Variants in DCLK1 observed in about 807,000 individuals in gnomAD.
The protein encoded by DCLK1 is doublecortin like kinase 1.
In DCLK1, 16 loss-of-function variants were observed where a neutral mutation model predicts 86.2. The ratio of observed to expected loss-of-function variants is 0.19; its 90% CI spans 0.13 to 0.28. The LOEUF is 0.28. Ranked by LOEUF, DCLK1 falls within the 10% of genes least tolerant of loss-of-function variation. The pLI is 1.00. For missense variants in DCLK1, 590 were observed against 940.2 expected (o/e 0.63, Z 4.87); for synonymous variants, 369 against 370.5 (o/e 1.00, Z 0.05).
At chr13:35,777,753 T>C (rs1451488795) in intron 16 of DCLK1, among the ~76,000 whole-genome samples, 1 of 152,188 alleles carries the variant, frequency 6.6e-6, no homozygotes, top group Admixed American at 6.5e-5. Flanking sequence ...CAAACCAGCA[T>C]TGAGGATTCC....
At chr13:35,904,336 C>T (rs894027623) in intron 4 of DCLK1, among the ~76,000 whole-genome samples, 1 of 152,122 alleles carries the variant, frequency 6.6e-6, no homozygotes, top group Non-Finnish European at 1.5e-5. Flanking sequence ...GTGCCTCAGC[C>T]GGGTGCCACC....
chr13:35,837,530 C>T (rs1316535544), intron 7 of DCLK1, among the ~76,000 whole-genome samples: 1 of 152,042 alleles, frequency 6.6e-6, no homozygotes, highest in Non-Finnish European at 1.5e-5. Flanking sequence ...CTGCAAAGCA[C>T]CCAAATTTAC....
At chr13:35,798,830 T>A (rs970419750) in intron 15 of DCLK1, among the ~76,000 whole-genome samples, 1 of 152,232 alleles carries the variant, frequency 6.6e-6, no homozygotes, top group African/African-American at 2.4e-5. Flanking sequence ...TACATTTTTG[T>A]GTGTGTGGGT....
chr13:36,067,813 G>A (rs1221155260), intron 3 of DCLK1, among the ~76,000 whole-genome samples: 1 of 152,056 alleles, frequency 6.6e-6, no homozygotes, highest in African/African-American at 2.4e-5. Context: ...TGACACAGCA[G>A]GCAGCATTTC....
chr13:35,973,207 C>T (rs751973233), intron 3 of DCLK1, among the ~76,000 whole-genome samples: 3 of 152,172 alleles, frequency 2.0e-5, no homozygotes, highest in Non-Finnish European at 2.9e-5. Context: ...CCAGTGGAAC[C>T]CCCATGAAAT....
Position 35,875,570 on chromosome 13 carries a change from A to G in DCLK1, c.824-4230T>C, listed in dbSNP as rs146189206. 2.8e-4 allele frequency among the ~76,000 whole-genome samples: 42 copies of G among 152,356 alleles called. 1 individual carries two copies. The highest frequency in any genetic ancestry group is 9.9e-4 in the African/African-American group (41 of 41,590). On this transcript the variant is annotated intron_variant, in intron 4 of 16. Coordinates refer to ENST00000360631, the MANE Select transcript of DCLK1 (RefSeq NM_001330071.2). The stretch of plus-strand genomic sequence containing the variant: ...CTGTGAGGCAGCTCTTCTTATCAGA[A>G]GAAATGTAGGTATTTCATTAAGTTT...
intron 3 of DCLK1, among the ~76,000 whole-genome samples, chr13:35,957,689 CT>C (rs1878071715): frequency 6.6e-6 from 1 of 152,128 alleles, no homozygotes; most frequent in Admixed American, 6.6e-5. Flanking sequence ...TGGAAGTATG[CT>C]TTTGCCAGGA....
At chr13:36,105,763 T>C (rs1330183020) in intron 3 of DCLK1, among the ~76,000 whole-genome samples, 2 of 152,226 alleles carry the variant, frequency 1.3e-5, no homozygotes, top group African/African-American at 4.8e-5. Context: ...AACCACAAGC[T>C]AGATTTTCCA....
chr13:36,000,058 G>T (rs578184812), intron 3 of DCLK1, among the ~76,000 whole-genome samples: 2 of 152,234 alleles, frequency 1.3e-5, no homozygotes, highest in South Asian at 4.1e-4. Context: ...GTCAAGTGAG[G>T]CCTTTCCCCC....
At chr13:35,923,156 G>C (rs1419857040) in intron 4 of DCLK1, among the ~76,000 whole-genome samples, 1 of 152,138 alleles carries the variant, frequency 6.6e-6, no homozygotes, top group Non-Finnish European at 1.5e-5. Context: ...ACTCCAGCGG[G>C]AAAGACCCCT....
chr13:35,949,944 C>T (rs1877575672), intron 3 of DCLK1, among the ~76,000 whole-genome samples: 2 of 150,420 alleles, frequency 1.3e-5, no homozygotes, highest in Admixed American at 6.8e-5. Flanking sequence ...AAGTAACTGT[C>T]ATCACCCAGC....
At chr13:36,102,800 A>C (rs1274688577) in intron 3 of DCLK1, among the ~76,000 whole-genome samples, 1 of 152,194 alleles carries the variant, frequency 6.6e-6, no homozygotes, top group Non-Finnish European at 1.5e-5. Flanking sequence ...AAGAATTGCT[A>C]CTTTACATGC....
At chr13:36,007,582 G>T (rs924589048) in intron 3 of DCLK1, among the ~76,000 whole-genome samples, 1 of 152,162 alleles carries the variant, frequency 6.6e-6, no homozygotes, top group African/African-American at 2.4e-5. Context: ...GAAGGCAGAT[G>T]AACTACACTA....
intron 4 of DCLK1, among the ~76,000 whole-genome samples, chr13:35,914,348 TAC>T (rs57538699): frequency 2.5e-4 from 21 of 85,336 alleles, no homozygotes; most frequent in African/African-American, 8.0e-4. Context: ...TATATATATA[TAC>T]ATATATATAT....
chr13:35,854,617 C>T (rs754687057), intron 5 of DCLK1, 24 bp from the exon 6 acceptor site: 9 of 1,537,662 alleles, frequency 5.9e-6, no homozygotes, highest in Non-Finnish European at 6.2e-6. Flanking sequence ...GAATCACACA[C>T]AGAGAAAAAT....
Position 35,823,005 on chromosome 13 carries a change from C to T in DCLK1, c.1408-130G>A, listed in dbSNP as rs891860943. The T allele has an allele frequency of 7.2e-6, 8 of 1,111,458 alleles. No individual in the cohort carries two copies. The African/African-American group carries it at 1.3e-4, about 18-fold the overall frequency. 68.8% of individuals were successfully genotyped at this position (1,111,458 alleles called of 1,614,324 possible). ...AATCTTTGGGTTCCTAAAGGCTTTT[C>T]CTGCTACTTTCCTTTCAAAGGCTCG... On this transcript the variant is annotated intron_variant, in intron 10 of 16. Coordinates refer to ENST00000360631, the MANE Select transcript of DCLK1 (RefSeq NM_001330071.2).
At position 35,982,971 on chromosome 13, in the gene DCLK1, T is replaced by C. The variant is rs374906825; in HGVS notation, c.724-35514A>G. Among the ~76,000 whole-genome samples, 23 of 152,096 alleles carry C rather than the reference T, an allele frequency of 1.5e-4. No homozygotes were observed. In the South Asian group the frequency reaches 4.8e-3, roughly 32 times the overall value. On this transcript the variant is annotated intron_variant, in intron 3 of 16. Coordinates refer to ENST00000360631, the MANE Select transcript of DCLK1 (RefSeq NM_001330071.2). Reference sequence around the variant, plus strand: ...TAGAGACAGGGTTTCACCATGTTGGTCAGGTTGGTCTCCAACTCCTGAGCT... The same window carrying C: ...TAGAGACAGGGTTTCACCATGTTGGCCAGGTTGGTCTCCAACTCCTGAGCT...
rs971391146 is a variant in DCLK1 at position 35,942,485 on chromosome 13, A to C, written c.823+4873T>G. Reference sequence around the variant, plus strand: ...GGCATGAGCCACTGCGCCTGGCCTCAAAAGGACACTTCTAACTATGCTAAA... The same window carrying C: ...GGCATGAGCCACTGCGCCTGGCCTCCAAAGGACACTTCTAACTATGCTAAA... On this transcript the variant is annotated intron_variant, in intron 4 of 16. Transcript: ENST00000360631. 2.0e-5 allele frequency among the ~76,000 whole-genome samples: 3 copies of C among 152,176 alleles called. No homozygotes were observed. The East Asian group carries it at 5.8e-4, about 29-fold the overall frequency.
At chr13:35,855,369 C>A in intron 5 of DCLK1, 1 of 676,528 alleles carries the variant, frequency 1.5e-6, no homozygotes, top group South Asian at 2.4e-5. Context: ...AAAGATGTAT[C>A]AGGTCACCTC....
Sources: allele counts gnomAD v4.1 joint callset (sites outside exome capture counted in the v4.1 genomes callset), GRCh38; gene constraint gnomAD v4.1.1; transcripts MANE v1.5; gene names NCBI Gene and HGNC (gene_info 2026-07-23, HGNC 2026-07-21).